Variants in FPR2 observed in about 807,000 individuals in gnomAD.
FPR2 encodes the protein N-formyl peptide receptor 2.
In FPR2, 3 loss-of-function variants were observed where a neutral mutation model predicts 4.0. That is an observed-to-expected ratio of 0.74 (90% confidence interval 0.34 to 1.92). The LOEUF (loss-of-function observed/expected upper bound fraction) is 1.92. FPR2 is among the 30% of genes most tolerant of loss of function. The probability of loss-of-function intolerance (pLI) is 0.07; values close to 1 mark genes in which losing one functional copy is unlikely to be tolerated. For missense variants in FPR2, 372 were observed against 435.7 expected (o/e 0.85, Z 1.30); for synonymous variants, 179 against 171.5 (o/e 1.04, Z -0.34).
At chr19:51,765,118 C>T (rs1355880002) in intron 1 of FPR2, among the ~76,000 whole-genome samples, 2 of 152,156 alleles carry the variant, frequency 1.3e-5, no homozygotes, top group African/African-American at 4.8e-5. Context: ...TGAGCCACTG[C>T]GCCCAGCCTG....
rs267605624 is a variant in FPR2 at position 51,768,818 on chromosome 19, C to A, written c.160C>A (p.Arg54=). ...NGLVIWVAGF[R]MTRTVTTICY... The stretch of plus-strand genomic sequence containing the variant: ...GCTTGTGATCTGGGTGGCTGGATTC[C>A]GGATGACACGCACAGTCACCACCAT... The change falls in exon 2 of 2, where the codon CGG becomes AGG. Residue 54 remains arginine, a synonymous_variant. Transcript: ENST00000340023. 3 of 1,613,960 alleles carry A rather than the reference C, an allele frequency of 1.9e-6. No individual in the cohort carries two copies. In the Admixed American group the frequency reaches 5.0e-5, roughly 27 times the overall value.
At position 51,769,641 on chromosome 19, in the gene FPR2, A is replaced by G. The variant is rs1599818582; in HGVS notation, c.983A>G (p.Asp328Gly). The G allele has an allele frequency of 6.2e-7, 1 of 1,613,838 alleles. No individual in the cohort carries two copies. Among genetic ancestry groups the G allele is most frequent in the South Asian group, 1.1e-5 (1 of 91,080 alleles). Residue 328 changes from aspartate (D) to glycine (G), a missense_variant, in exon 2 of 2, where the codon GAC becomes GGC. Coordinates refer to ENST00000340023, the MANE Select transcript of FPR2 (RefSeq NM_001005738.2). The surrounding 1 kb of genome is among the most constrained non-coding windows in gnomAD (Gnocchi z 4.4). ...PTSLERALSE[D>G]SAPTNDTAAN... The stretch of plus-strand genomic sequence containing the variant: ...AGTCTGGAGAGGGCCCTGTCTGAGG[A>G]CTCAGCCCCAACTAATGACACGGCT...
rs893963022 is a variant in FPR2, at chr19:51,764,455, C to T, written c.-15+3225C>T. The stretch of plus-strand genomic sequence containing the variant: ...TAATTAAGGTGTGGGATAGCGAGTG[C>T]GCTGGAGAAGTAGAGTAACCTAATG... On this transcript the variant is annotated intron_variant, in intron 1 of 1. Coordinates refer to ENST00000340023, the MANE Select transcript of FPR2 (RefSeq NM_001005738.2). 3.3e-5 allele frequency among the ~76,000 whole-genome samples: 5 copies of T among 152,204 alleles called. No individual in the cohort carries two copies. The East Asian group carries it at 5.8e-4, about 18-fold the overall frequency.
Position 51,770,527 on chromosome 19 carries a change from G to A in FPR2, c.*813G>A, listed in dbSNP as rs1314664350. Reference sequence around the variant, plus strand: ...ATATTCAGAAAAATTCACCAGTGAAGCCAACTTGGTCTTGTGTTTTCTTTC... The same window carrying A: ...ATATTCAGAAAAATTCACCAGTGAAACCAACTTGGTCTTGTGTTTTCTTTC... On this transcript the variant is annotated 3_prime_UTR_variant, in exon 2 of 2. Transcript: ENST00000340023. 6.0e-6 allele frequency: 1 copy of A among 167,054 alleles called. No homozygotes were observed. Among genetic ancestry groups the A allele is most frequent in the Non-Finnish European group, 1.5e-5 (1 of 68,116 alleles). 10.3% of individuals were successfully genotyped at this position (167,054 alleles called of 1,614,324 possible).
chr19:51,763,906 G>A (rs538506973), intron 1 of FPR2, among the ~76,000 whole-genome samples: 1 of 152,034 alleles, frequency 6.6e-6, no homozygotes. Flanking sequence ...TTGCAAGCGC[G>A]TGCCATCACG....
In FPR2 at chr19:51,769,363, A is replaced by G. The variant is rs1156643276; in HGVS notation, c.705A>G (p.Lys235=). 1.2e-6 allele frequency: 2 copies of G among 1,614,064 alleles called. No individual in the cohort carries two copies. The highest frequency in any genetic ancestry group is 2.7e-5 in the African/African-American group (2 of 74,914). The change falls in exon 2 of 2, where the codon AAA becomes AAG. Residue 235 remains lysine, a synonymous_variant. Transcript: ENST00000340023. The surrounding 1 kb of genome is among the most constrained non-coding windows in gnomAD (Gnocchi z 4.4). ...AAKIHKKGMI[K]SSRPLRVLTA... is the part of the protein sequence containing the mutation. ...AGATCCACAAAAAGGGCATGATTAA[A>G]TCCAGCCGTCCCTTACGGGTCCTCA...
At chr19:51,768,500 T>C (rs2083879820) in intron 1 of FPR2, 145 bp from the exon 2 acceptor site, 3 of 655,594 alleles carry the variant, frequency 4.6e-6, no homozygotes, top group Non-Finnish European at 7.9e-6. Flanking sequence ...GCCAATTCTA[T>C]AGCACCGTTG....
intron 1 of FPR2, among the ~76,000 whole-genome samples, chr19:51,766,913 A>G (rs2122360975): frequency 6.6e-6 from 1 of 152,292 alleles, no homozygotes; most frequent in East Asian, 1.9e-4. Context: ...CTAGAATGAG[A>G]TTTATGGATA....
chr19:51,762,270 T>A (rs898886564), intron 1 of FPR2: 1 of 151,038 alleles, frequency 6.6e-6, no homozygotes, highest in Non-Finnish European at 1.5e-5. Context: ...GTTTTTTTAG[T>A]AGAGACGGGG....
intron 1 of FPR2, chr19:51,763,308 C>A (rs1405810212): frequency 3.9e-5 from 6 of 152,156 alleles, no homozygotes; most frequent in Non-Finnish European, 7.4e-5. Context: ...GCCAATTGAG[C>A]TTCAAATGCA....
In FPR2 at chr19:51,770,004, C is replaced by T. The variant is rs17695064; in HGVS notation, c.*290C>T. On this transcript the variant is annotated 3_prime_UTR_variant, in exon 2 of 2. Transcript: ENST00000340023. ...GATTTGTAAGACTTAGATGAGATAG[C>T]GCATAATAAGGGGAAGACTTTAAAG... 0.094 allele frequency: 32,084 copies of T among 342,248 alleles called. 1,754 individuals carry two copies. The highest frequency in any genetic ancestry group is 0.18 in the South Asian group (2,882 of 15,832). 21.2% of individuals were successfully genotyped at this position (342,248 alleles called of 1,614,324 possible). A position where few individuals can be genotyped will look rare whatever the true frequency, so the allele number is the denominator to read the frequency against.
Position 51,768,772 on chromosome 19 carries a change from C to T in FPR2, c.114C>T (p.Val38=). 1.2e-6 allele frequency: 2 copies of T among 1,614,132 alleles called. No homozygotes were observed. The highest frequency in any genetic ancestry group is 2.2e-5 in the South Asian group (2 of 91,078). ...TGGTGGTGCTTGGGGTCACCTTTGT[C>T]CTCGGGGTCCTGGGCAATGGGCTTG... The part of the protein sequence containing the change: ...LPLVVLGVTF[V]LGVLGNGLVI... Residue 38 remains valine, a synonymous_variant, in exon 2 of 2, where the codon GTC becomes GTT. Coordinates refer to ENST00000340023, the MANE Select transcript of FPR2 (RefSeq NM_001005738.2).
rs1483519707 is a variant in FPR2, at chr19:51,770,165, T to C, written c.*451T>C. ...CATCATGAGTGGACTTTGCATTTTA[T>C]CAAATGCATTTTCTACATGTATTAA... On this transcript the variant is annotated 3_prime_UTR_variant, in exon 2 of 2. Transcript: ENST00000340023. 1 of 172,118 alleles carries C rather than the reference T, an allele frequency of 5.8e-6. No individual in the cohort carries two copies. Among genetic ancestry groups the C allele is most frequent in the Non-Finnish European group, 1.4e-5 (1 of 70,852 alleles). 10.7% of individuals were successfully genotyped at this position (172,118 alleles called of 1,614,324 possible).
chr19:51,769,833 G>A lies in FPR2; in HGVS notation c.*119G>A. 1 of 826,182 alleles carries A rather than the reference G, an allele frequency of 1.2e-6. No homozygotes were observed. 51.2% of individuals were successfully genotyped at this position (826,182 alleles called of 1,614,324 possible). A position where few individuals can be genotyped will look rare whatever the true frequency, so the allele number is the denominator to read the frequency against. On this transcript the variant is annotated 3_prime_UTR_variant, in exon 2 of 2. Transcript: ENST00000340023. This position sits in a 1 kb window ranked among gnomAD's most constrained non-coding sequence, Gnocchi z 4.4. ...ATGCACAGCTCAAGTATTTATTCAG[G>A]AAAAATGCTTTTGTGTCCCTGATTT...
chr19:51,764,629 C>T (rs1454961215), intron 1 of FPR2, among the ~76,000 whole-genome samples: 1 of 152,156 alleles, frequency 6.6e-6, no homozygotes, highest in Non-Finnish European at 1.5e-5. Flanking sequence ...GTATTGTAAT[C>T]AGAGATGATA....
In FPR2 at chr19:51,769,102, A is replaced by T; in HGVS notation, c.444A>T (p.Gly148=). ...TVSLAMKVIV[G]PWILALVLTL... ...GTCTGGCCATGAAGGTGATCGTCGG[A>T]CCTTGGATTCTTGCTCTAGTCCTTA... is the stretch of plus-strand genomic sequence containing the variant. Residue 148 remains glycine, a synonymous_variant, in exon 2 of 2, where the codon GGA becomes GGT. Transcript: ENST00000340023. This position sits in a 1 kb window ranked among gnomAD's most constrained non-coding sequence, Gnocchi z 4.4. 6.2e-7 allele frequency: 1 copy of T among 1,614,146 alleles called. No homozygotes were observed. The highest frequency in any genetic ancestry group is 8.5e-7 in the Non-Finnish European group (1 of 1,180,026).
At position 51,769,426 on chromosome 19, in the gene FPR2, C is replaced by G; in HGVS notation, c.768C>G (p.Pro256=). Residue 256 remains proline, a synonymous_variant, in exon 2 of 2, where the codon CCC becomes CCG. Transcript: ENST00000340023. This position sits in a 1 kb window ranked among gnomAD's most constrained non-coding sequence, Gnocchi z 4.4. ...CTTCTTTCTTCATCTGTTGGTTTCC[C>G]TTTCAACTGGTTGCCCTTCTGGGCA... The part of the protein sequence containing the change: ...VVASFFICWF[P]FQLVALLGTV... 6.2e-7 allele frequency: 1 copy of G among 1,614,214 alleles called. No individual in the cohort carries two copies. The highest frequency in any genetic ancestry group is 1.1e-5 in the South Asian group (1 of 91,086).
chr19:51,761,790 A>G (rs1432873099), intron 1 of FPR2, among the ~76,000 whole-genome samples: 1 of 152,160 alleles, frequency 6.6e-6, no homozygotes, highest in Non-Finnish European at 1.5e-5. Context: ...TGAAACTCTA[A>G]CTCAAAGATA....
intron 1 of FPR2, among the ~76,000 whole-genome samples, chr19:51,766,387 C>T (rs531965113): frequency 1.8e-3 from 270 of 152,254 alleles, no homozygotes; most frequent in African/African-American, 6.3e-3. Flanking sequence ...CCTACTGTGT[C>T]CAGAACAGTC....
Sources: gnomAD v4.1 joint callset for allele counts (sites outside exome capture counted in the v4.1 genomes callset) on GRCh38, gnomAD v4.1.1 for gene constraint, Gnocchi (gnomAD v3.1) non-coding constraint, MANE v1.5 for transcripts, NCBI Gene and HGNC (gene_info 2026-07-23, HGNC 2026-07-21) for gene names.